The following MICU1 variants were observed in gnomAD, a reference collection of about 807,000 sequenced individuals.
The protein encoded by MICU1 is mitochondrial calcium uptake 1.
A neutral mutation model predicts 56.8 loss-of-function variants in MICU1; 45 were observed. The ratio of observed to expected loss-of-function variants is 0.79; its 90% CI spans 0.62 to 1.02. The LOEUF (loss-of-function observed/expected upper bound fraction) is 1.02. Ranked by LOEUF, MICU1 falls within the 50% of genes least tolerant of loss-of-function variation. The probability of loss-of-function intolerance (pLI) is 0.00; values close to 1 mark genes in which losing one functional copy is unlikely to be tolerated. For missense variants in MICU1, 504 were observed against 587.1 expected (o/e 0.86, Z 1.46); for synonymous variants, 186 against 195.1 (o/e 0.95, Z 0.39).
At chr10:72,498,389 C>T (rs908540149) in intron 6 of MICU1, among the ~76,000 whole-genome samples, 2 of 152,126 alleles carry the variant, frequency 1.3e-5, no homozygotes, top group Admixed American at 6.5e-5. Context: ...AGGTCGAGAC[C>T]AGCCTGGCCA....
At chr10:72,538,234 AAGAC>A (rs1280842181) in intron 4 of MICU1, among the ~76,000 whole-genome samples, 1 of 152,086 alleles carries the variant, frequency 6.6e-6, no homozygotes, top group African/African-American at 2.4e-5. Flanking sequence ...ACAAAATAAA[AAGAC>A]AGGCCCCAGA....
chr10:72,527,362 TTTTTGTTTTG>T (rs763008748), intron 5 of MICU1, among the ~76,000 whole-genome samples: 4 of 139,034 alleles, frequency 2.9e-5, no homozygotes, highest in South Asian at 2.1e-4. Context: ...TTTTCTTTTG[TTTTTGTTTTG>T]TTTTGTTTTG....
At chr10:72,548,119 T>C (rs1839941789) in intron 4 of MICU1, among the ~76,000 whole-genome samples, 1 of 152,234 alleles carries the variant, frequency 6.6e-6, no homozygotes, top group Non-Finnish European at 1.5e-5. Flanking sequence ...AGAGATGCTC[T>C]ATAGGAGAAA....
intron 6 of MICU1, among the ~76,000 whole-genome samples, chr10:72,485,000 T>C (rs182169266): frequency 1.4e-4 from 21 of 152,272 alleles, no homozygotes; most frequent in African/African-American, 5.1e-4. Context: ...AAGGGCAGAA[T>C]TGAGTAGTTG....
At chr10:72,469,391 T>C (rs1865885231) in intron 8 of MICU1, among the ~76,000 whole-genome samples, 1 of 152,182 alleles carries the variant, frequency 6.6e-6, no homozygotes, top group Admixed American at 6.5e-5. Context: ...CATACAAAAG[T>C]TATTAAGATA....
At chr10:72,551,087 G>T in intron 4 of MICU1, 92 bp downstream of exon 4, 1 of 1,211,722 alleles carries the variant, frequency 8.3e-7, no homozygotes, top group Non-Finnish European at 1.1e-6. Flanking sequence ...TCATTACAAG[G>T]ACCTGTAAGA....
At chr10:72,516,871 G>A (rs1419781229) in intron 5 of MICU1, among the ~76,000 whole-genome samples, 1 of 152,186 alleles carries the variant, frequency 6.6e-6, no homozygotes, top group Non-Finnish European at 1.5e-5. Flanking sequence ...TGCAGTTGGG[G>A]TGGTAAAGAA....
At chr10:72,407,890 G>A (rs1264341781) in intron 10 of MICU1, 39 bp downstream of exon 10, 1 of 1,397,070 alleles carries the variant, frequency 7.2e-7, no homozygotes, top group African/African-American at 1.4e-5. Flanking sequence ...CAGATCCAAT[G>A]TTCATACCTT....
chr10:72,477,338 C>T (rs1416464230), intron 6 of MICU1, 82 bp from the exon 7 acceptor site: 1 of 1,233,956 alleles, frequency 8.1e-7, no homozygotes, highest in African/African-American at 1.5e-5. Flanking sequence ...AGGCTAAACA[C>T]TAAAATGTAA....
At chr10:72,504,535 C>A (rs1294641810) in intron 6 of MICU1, among the ~76,000 whole-genome samples, 2 of 151,968 alleles carry the variant, frequency 1.3e-5, no homozygotes, top group Non-Finnish European at 2.9e-5. Flanking sequence ...TAGAAGAAAA[C>A]CTAGGAAATA....
intron 10 of MICU1, among the ~76,000 whole-genome samples, chr10:72,403,774 G>T (rs1451501703): frequency 2.6e-5 from 4 of 151,526 alleles, no homozygotes; most frequent in Admixed American, 6.6e-5. Context: ...TCCTGCCTCA[G>T]CCTCCCAAGT....
In MICU1 at chr10:72,477,175, T is replaced by A; in HGVS notation, c.734A>T (p.Gln245Leu). 6.5e-7 allele frequency: 1 copy of A among 1,541,480 alleles called. No individual in the cohort carries two copies. ...GAGGAACTCTCCAGGACAACTTGCCTGTTCAAATTCTTCCATATCTACTTC... is the reference window on the plus strand; with the variant it reads ...GAGGAACTCTCCAGGACAACTTGCCAGTTCAAATTCTTCCATATCTACTTC... ...DGEVDMEEFE[Q>L]VQSIIRSQTS... The change falls in exon 7 of 12, where the codon CAG becomes CTG. Residue 245 changes from glutamine to leucine, a missense_variant and splice_region_variant. Physicochemically the swap from Gln to Leu is moderately radical, Grantham distance 113 (BLOSUM62 -2). Coordinates refer to ENST00000361114, the MANE Select transcript of MICU1 (RefSeq NM_001195518.2).
At chr10:72,429,647 A>T (rs1864462569) in intron 8 of MICU1, among the ~76,000 whole-genome samples, 1 of 152,130 alleles carries the variant, frequency 6.6e-6, no homozygotes, top group Non-Finnish European at 1.5e-5. Context: ...CAGAAAATTC[A>T]CAACACTTCT....
intron 6 of MICU1, among the ~76,000 whole-genome samples, chr10:72,499,860 C>T (rs1169650430): frequency 6.6e-6 from 1 of 152,142 alleles, no homozygotes; most frequent in Non-Finnish European, 1.5e-5. Context: ...ACCACACTTT[C>T]CAAGTCACAT....
At chr10:72,609,604 G>A (rs2132563296) in intron 1 of MICU1, among the ~76,000 whole-genome samples, 1 of 150,050 alleles carries the variant, frequency 6.7e-6, no homozygotes, top group African/African-American at 2.5e-5. Context: ...TGTGGTGGCA[G>A]GCACCTGTAG....
rs899962773 is a variant in MICU1, at chr10:72,452,221, T to C, written c.933+22879A>G. ...ACTACAATTCGAATACTCACTTTTC[T>C]TCCTCTAGCTGTCAGGAAGCTGGGA... On this transcript the variant is annotated intron_variant, in intron 8 of 11. Transcript: ENST00000361114. 3.3e-5 allele frequency among the ~76,000 whole-genome samples: 5 copies of C among 152,184 alleles called. No homozygotes were observed. In the South Asian group the frequency reaches 1.0e-3, roughly 32 times the overall value.
chr10:72,513,983 A>C (rs1359932570), intron 5 of MICU1, among the ~76,000 whole-genome samples: 1 of 152,142 alleles, frequency 6.6e-6, no homozygotes, highest in East Asian at 1.9e-4. Context: ...TACCACTATA[A>C]ACATTTTAAA....
chr10:72,561,296 T>C (rs78603684), intron 3 of MICU1, among the ~76,000 whole-genome samples: 3,572 of 152,286 alleles, frequency 0.023, 57 homozygotes, highest in Non-Finnish European at 0.039. Context: ...ATTTGGGACA[T>C]TTTAGCTGTA....
Position 72,368,170 on chromosome 10 carries a change from A to AG in MICU1, c.*24dup. The AG allele has an allele frequency of 6.3e-7, 1 of 1,598,170 alleles. No homozygotes were observed. Among genetic ancestry groups the AG allele is most frequent in the Non-Finnish European group, 8.6e-7 (1 of 1,169,416 alleles). On this transcript the variant is annotated 3_prime_UTR_variant, in exon 12 of 12. Transcript: ENST00000361114. ...AGGGGGTCCAGGGTACTGGGGGTGG[A>AG]GGGGTCCCCTCTTGCAGTGTGGGGT...
Sources: gnomAD v4.1 joint callset for allele counts (sites outside exome capture counted in the v4.1 genomes callset) on GRCh38, gnomAD v4.1.1 for gene constraint, MANE v1.5 for transcripts, NCBI Gene and HGNC (gene_info 2026-07-23, HGNC 2026-07-21) for gene names.